The following PPP3CA variants were observed in gnomAD, a reference collection of about 807,000 sequenced individuals.
PPP3CA encodes the protein CAM-PRP catalytic subunit.
PPP3CA carries 14 observed loss-of-function variants against 66.5 expected under a neutral mutation model. The observed-to-expected ratio is 0.21, with a 90% CI of 0.14 to 0.33. The LOEUF (loss-of-function observed/expected upper bound fraction) is 0.33, where lower values mean the gene tolerates loss of function less well. Among genes scored for constraint, PPP3CA ranks in the 10% least tolerant of loss-of-function variants. PPP3CA has a pLI of 1.00. For missense variants in PPP3CA, 317 were observed against 639.5 expected, an observed-to-expected ratio of 0.50 and a Z score of 5.44; for synonymous variants, 232 against 226.2, an observed-to-expected ratio of 1.03 and a Z score of -0.23.
chr4:101,295,323 A>C (rs911500765), intron 1 of PPP3CA, among the ~76,000 whole-genome samples: 2 of 150,872 alleles, frequency 1.3e-5, no homozygotes, highest in African/African-American at 4.9e-5. Context: ...AAAAAAAAAA[A>C]AAAAAAAAGA....
In PPP3CA at chr4:101,138,528, G is replaced by A. The variant is rs529543990; in HGVS notation, c.260-29450C>T. Among the ~76,000 whole-genome samples the A allele has an allele frequency of 2.6e-5, 4 of 152,100 alleles. No homozygotes were observed. The East Asian group carries it at 7.7e-4, about 29-fold the overall frequency. ...TGTATTTTGGATTTTTTGGGTTTTA[G>A]AATATTTATCTACTGAAAAGTTATC... On this transcript the variant is annotated intron_variant, in intron 2 of 13. Transcript: ENST00000394854.
At chr4:101,163,363 C>A (rs1323998774) in intron 2 of PPP3CA, among the ~76,000 whole-genome samples, 1 of 152,124 alleles carries the variant, frequency 6.6e-6, no homozygotes, top group Non-Finnish European at 1.5e-5. Context: ...GCCCTGAGGT[C>A]CCTTCTCTCA....
intron 1 of PPP3CA, among the ~76,000 whole-genome samples, chr4:101,273,882 C>A (rs1727409761): frequency 1.3e-5 from 2 of 150,688 alleles, no homozygotes; most frequent in Non-Finnish European, 1.5e-5. Flanking sequence ...CATCTTGGGC[C>A]AAGAAGCAAT....
chr4:101,201,300 A>G (rs999025108), intron 1 of PPP3CA, among the ~76,000 whole-genome samples: 2 of 152,164 alleles, frequency 1.3e-5, no homozygotes, highest in African/African-American at 4.8e-5. Context: ...TTCTTTCCCA[A>G]CTTTGGTTTA....
chr4:101,180,746 T>C (rs1034037827), intron 2 of PPP3CA, among the ~76,000 whole-genome samples: 5 of 152,006 alleles, frequency 3.3e-5, no homozygotes, highest in African/African-American at 1.2e-4. Flanking sequence ...TAATAAATAC[T>C]GCTTTGGCCA....
At chr4:101,334,293 C>T (rs151140170) in intron 1 of PPP3CA, among the ~76,000 whole-genome samples, 5 of 152,226 alleles carry the variant, frequency 3.3e-5, no homozygotes, top group African/African-American at 9.6e-5. Context: ...TGACACCACG[C>T]ACAGCTAATT....
intron 2 of PPP3CA, among the ~76,000 whole-genome samples, chr4:101,176,139 A>G (rs953985708): frequency 6.6e-5 from 10 of 152,172 alleles, no homozygotes; most frequent in African/African-American, 2.4e-4. Flanking sequence ...GCTCTGGGTC[A>G]AGGACAAAAT....
chr4:101,344,801 G>C (rs1478804542), intron 1 of PPP3CA, among the ~76,000 whole-genome samples: 1 of 152,148 alleles, frequency 6.6e-6, no homozygotes, highest in Non-Finnish European at 1.5e-5. Context: ...ATTTAAAACA[G>C]GGAATGTGAC....
intron 1 of PPP3CA, among the ~76,000 whole-genome samples, chr4:101,221,902 C>T (rs1289891709): frequency 6.6e-6 from 1 of 151,526 alleles, no homozygotes; most frequent in Non-Finnish European, 1.5e-5. Flanking sequence ...AAAGTTCACA[C>T]GTGTTCTTTC....
At chr4:101,088,617 C>T (rs1337419715) in intron 6 of PPP3CA, among the ~76,000 whole-genome samples, 1 of 136,466 alleles carries the variant, frequency 7.3e-6, no homozygotes, top group Non-Finnish European at 1.6e-5. Context: ...AAGAGAAAAA[C>T]TTAGTAGAGA....
intron 1 of PPP3CA, among the ~76,000 whole-genome samples, chr4:101,259,644 T>C (rs1179485694): frequency 2.0e-5 from 3 of 152,178 alleles, no homozygotes. Context: ...GATTTATTTA[T>C]AGTGTCACAT....
chr4:101,035,239 A>G (rs1383403941), intron 11 of PPP3CA, among the ~76,000 whole-genome samples: 2 of 152,204 alleles, frequency 1.3e-5, no homozygotes, highest in Admixed American at 6.5e-5. Flanking sequence ...ACTGCACTCC[A>G]GCCAGAGCGC....
intron 10 of PPP3CA, among the ~76,000 whole-genome samples, chr4:101,045,862 T>C (rs1230937399): frequency 1.3e-5 from 2 of 152,218 alleles, no homozygotes; most frequent in African/African-American, 2.4e-5. Context: ...GCAAATATAG[T>C]CAATTATTAG....
chr4:101,314,052 A>G (rs993120325), intron 1 of PPP3CA, among the ~76,000 whole-genome samples: 1 of 152,204 alleles, frequency 6.6e-6, no homozygotes, highest in Non-Finnish European at 1.5e-5. Flanking sequence ...TTAAAAGAAA[A>G]TAGAACGCAT....
At chr4:101,068,281 T>G (rs937204551) in intron 8 of PPP3CA, among the ~76,000 whole-genome samples, 6 of 152,110 alleles carry the variant, frequency 3.9e-5, no homozygotes, top group African/African-American at 1.2e-4. Context: ...CCAGGATGTT[T>G]TTTCCTTCCA....
intron 1 of PPP3CA, among the ~76,000 whole-genome samples, chr4:101,233,926 C>A (rs1726044280): frequency 1.3e-5 from 2 of 151,762 alleles, no homozygotes; most frequent in Middle Eastern, 3.4e-3. Context: ...CACCATCTGT[C>A]TGCTGCTACC....
intron 5 of PPP3CA, among the ~76,000 whole-genome samples, chr4:101,096,153 T>A (rs1007681117): frequency 1.3e-5 from 2 of 152,192 alleles, no homozygotes; most frequent in African/African-American, 2.4e-5. Flanking sequence ...TTCTTTCCAA[T>A]AGGAAAGTAA....
In PPP3CA at chr4:101,098,895, T is replaced by C. The variant is rs759866400; in HGVS notation, c.497-383A>G. Among the ~76,000 whole-genome samples, 31 of 152,164 alleles carry C rather than the reference T, an allele frequency of 2.0e-4. 1 individual carries two copies. The highest frequency in any genetic ancestry group is 3.2e-3 in the Middle Eastern group (1 of 316). On this transcript the variant is annotated intron_variant, in intron 4 of 13. Transcript: ENST00000394854. ...CTTAACGATTTTGTAGAAAAGCAGATGGCAAGACATTTCCTAAAGCTGTTT... is the reference window on the plus strand; with the variant it reads ...CTTAACGATTTTGTAGAAAAGCAGACGGCAAGACATTTCCTAAAGCTGTTT...
chr4:101,064,988 T>A (rs997309720), intron 8 of PPP3CA, among the ~76,000 whole-genome samples: 1 of 152,036 alleles, frequency 6.6e-6, no homozygotes, highest in South Asian at 2.1e-4. Flanking sequence ...AGGGAACATA[T>A]AATCACAGAC....
Sources: allele counts gnomAD v4.1 joint callset (sites outside exome capture counted in the v4.1 genomes callset), GRCh38; gene constraint gnomAD v4.1.1; transcripts MANE v1.5; gene names NCBI Gene and HGNC (gene_info 2026-07-23, HGNC 2026-07-21).